The following PCNX2 variants were observed in gnomAD, a reference collection of about 807,000 sequenced individuals.
PCNX2 encodes pecanex-like protein 2.
Under a neutral mutation model 223.8 loss-of-function variants are expected in PCNX2, and 168 were observed. The observed-to-expected ratio is 0.75, with a 90% CI of 0.66 to 0.85. The LOEUF (loss-of-function observed/expected upper bound fraction) is 0.85, where lower values mean the gene tolerates loss of function less well. Among genes scored for constraint, PCNX2 ranks in the 40% least tolerant of loss-of-function variants. The pLI is 0.00. For synonymous variants in PCNX2, 1,006 were observed against 1,052.6 expected (o/e 0.96, Z 0.86); for missense variants, 2,507 against 2,675.5 (o/e 0.94, Z 1.39).
chr1:233,241,132 C>G, intron 8 of PCNX2: 1 of 967,622 alleles, frequency 1.0e-6, no homozygotes, highest in Non-Finnish European at 1.2e-6. Context: ...AAACCATAAC[C>G]TGTTATTTTG....
At chr1:233,050,942 T>TA (rs1671982808) in intron 25 of PCNX2, among the ~76,000 whole-genome samples, 1 of 151,930 alleles carries the variant, frequency 6.6e-6, no homozygotes, top group Admixed American at 6.6e-5. Context: ...AGGTCTAATA[T>TA]CCAGAATGTA....
intron 21 of PCNX2, among the ~76,000 whole-genome samples, chr1:233,108,329 G>C (rs992985716): frequency 8.5e-5 from 13 of 152,184 alleles, no homozygotes; most frequent in Non-Finnish European, 5.9e-5. Flanking sequence ...AGGAGAGAAA[G>C]ATACCTTCAG....
chr1:233,060,031 C>G (rs1672346334), intron 23 of PCNX2, among the ~76,000 whole-genome samples: 1 of 152,140 alleles, frequency 6.6e-6, no homozygotes, highest in African/African-American at 2.4e-5. Flanking sequence ...ACCATCTAGG[C>G]AAGATCCTGT....
chr1:233,058,165 T>A (rs1672259855), intron 23 of PCNX2: 1 of 577,892 alleles, frequency 1.7e-6, no homozygotes, highest in Non-Finnish European at 2.2e-6. Context: ...AGCCAGTCCA[T>A]GACAACCCCT....
intron 15 of PCNX2, among the ~76,000 whole-genome samples, chr1:233,196,687 A>G (rs1006839072): frequency 6.6e-6 from 1 of 152,200 alleles, no homozygotes; most frequent in Admixed American, 6.5e-5. Context: ...GGATTTAAGA[A>G]AAACCTGACA....
chr1:233,112,950 T>A, intron 21 of PCNX2: 1 of 1,289,326 alleles, frequency 7.8e-7, no homozygotes, highest in Non-Finnish European at 1.0e-6. Context: ...TCATCCTCTT[T>A]GTGTGTGGGT....
At chr1:233,184,315 G>C (rs200471545) in intron 15 of PCNX2, among the ~76,000 whole-genome samples, 1 of 151,980 alleles carries the variant, frequency 6.6e-6, no homozygotes, top group African/African-American at 2.4e-5. Flanking sequence ...TCTGTGGAAG[G>C]CACTTAATTT....
At chr1:233,288,999 C>T in intron 1 of PCNX2, 2 of 1,490,420 alleles carry the variant, frequency 1.3e-6, no homozygotes, top group South Asian at 1.1e-5. Context: ...GAGCCGGCTG[C>T]CATCTAGTTT....
intron 21 of PCNX2, chr1:233,125,918 C>A (rs1005565947): frequency 1.3e-5 from 2 of 152,130 alleles, no homozygotes; most frequent in African/African-American, 4.8e-5. Flanking sequence ...CTGTTAAATT[C>A]TCTTTTGTCA....
chr1:233,122,805 G>C (rs1244043201), intron 21 of PCNX2, among the ~76,000 whole-genome samples: 2 of 152,158 alleles, frequency 1.3e-5, no homozygotes, highest in African/African-American at 4.8e-5. Flanking sequence ...TTACAGGCAT[G>C]CACCACTGTG....
chr1:233,123,527 A>T (rs911179991), intron 21 of PCNX2, among the ~76,000 whole-genome samples: 3 of 152,094 alleles, frequency 2.0e-5, no homozygotes, highest in African/African-American at 7.2e-5. Context: ...TGTTGCAGTG[A>T]GCCAAGATTG....
intron 8 of PCNX2, among the ~76,000 whole-genome samples, chr1:233,243,579 T>A (rs767511405): frequency 2.6e-5 from 4 of 152,222 alleles, no homozygotes; most frequent in Non-Finnish European, 5.9e-5. Context: ...TAAAATCACA[T>A]AAATCAACTC....
At chr1:233,292,937 T>C (rs1048216445) in intron 1 of PCNX2, among the ~76,000 whole-genome samples, 4 of 152,214 alleles carry the variant, frequency 2.6e-5, no homozygotes, top group African/African-American at 4.8e-5. Flanking sequence ...TGTTTTTTTT[T>C]AAAGTCTGAT....
At chr1:233,034,724 T>C (rs1289707929) in intron 25 of PCNX2, among the ~76,000 whole-genome samples, 1 of 152,068 alleles carries the variant, frequency 6.6e-6, no homozygotes, top group Non-Finnish European at 1.5e-5. Context: ...CAACCAAAAA[T>C]CAAACCAAAA....
At chr1:233,090,015 G>A in intron 23 of PCNX2, 46 bp downstream of exon 23, 2 of 1,611,476 alleles carry the variant, frequency 1.2e-6, no homozygotes, top group South Asian at 1.1e-5. Context: ...GCCTTCTGAA[G>A]TGCAAACTGG....
upstream of PCNX2, chr1:233,295,739 A>C (rs1379697436): frequency 5.6e-6 from 2 of 354,266 alleles, no homozygotes; most frequent in Non-Finnish European, 4.9e-6. The surrounding 1 kb of genome is among the most constrained non-coding windows in gnomAD (Gnocchi z 4.1). Flanking sequence ...GGATTTTCCC[A>C]TCGTGCTCAG....
intron 9 of PCNX2, among the ~76,000 whole-genome samples, chr1:233,228,247 A>G (rs946117742): frequency 2.0e-5 from 3 of 152,082 alleles, no homozygotes; most frequent in African/African-American, 7.2e-5. Context: ...CTCCTCCTTC[A>G]TTGTTTGACC....
At chr1:233,085,571 T>A (rs1248772587) in intron 23 of PCNX2, among the ~76,000 whole-genome samples, 1 of 152,180 alleles carries the variant, frequency 6.6e-6, no homozygotes, top group Non-Finnish European at 1.5e-5. Flanking sequence ...AGAATATAAT[T>A]CCCCTTTCTC....
intron 25 of PCNX2, among the ~76,000 whole-genome samples, chr1:233,038,223 A>C (rs1280021575): frequency 6.6e-6 from 1 of 152,228 alleles, no homozygotes. Flanking sequence ...CACATTGGGC[A>C]GTTTAGAAGC....
Sources: allele counts gnomAD v4.1 joint callset (sites outside exome capture counted in the v4.1 genomes callset), GRCh38; gene constraint gnomAD v4.1.1; non-coding constraint Gnocchi (gnomAD v3.1); transcripts MANE v1.5; gene names NCBI Gene and HGNC (gene_info 2026-07-23, HGNC 2026-07-21).